BANK1: variants seen among roughly 807,000 people sequenced by gnomAD.
The protein encoded by BANK1 is B-cell scaffold protein with ankyrin repeats.
Under a neutral mutation model 94.5 loss-of-function variants are expected in BANK1, and 95 were observed. That is an observed-to-expected ratio of 1.00 (90% CI 0.85 to 1.19). The LOEUF (loss-of-function observed/expected upper bound fraction) is 1.19. Ranked by LOEUF, BANK1 falls within the 50% of genes most tolerant of loss-of-function variation. The pLI is 0.00. For synonymous variants in BANK1, 334 were observed against 308.4 expected, an observed-to-expected ratio of 1.08 and a Z score of -0.87; for missense variants, 987 against 932.2, an observed-to-expected ratio of 1.06 and a Z score of -0.77.
At position 102,002,544 on chromosome 4, in the gene BANK1, T is replaced by TACACACAC. The variant is rs10559889; in HGVS notation, c.1207-18932_1207-18925dup. Among the ~76,000 whole-genome samples, 13 of 148,138 alleles carry TACACACAC rather than the reference T, an allele frequency of 8.8e-5. No individual in the cohort carries two copies. In the East Asian group the frequency reaches 1.8e-3, roughly 20 times the overall value. ...TGATGGTAGACAATATTAATACAAATACACACACACACACACACACACACA... is the reference window on the plus strand; with the variant it reads ...TGATGGTAGACAATATTAATACAAATACACACACACACACACACACACACACACACACA... On this transcript the variant is annotated intron_variant, in intron 7 of 16. Coordinates refer to ENST00000322953, the MANE Select transcript of BANK1 (RefSeq NM_017935.5).
At chr4:101,832,757 C>T (rs1045558652) in intron 2 of BANK1, among the ~76,000 whole-genome samples, 2 of 152,136 alleles carry the variant, frequency 1.3e-5, no homozygotes, top group South Asian at 2.1e-4. Flanking sequence ...TAAAAATTCA[C>T]GGTGAAATGT....
intron 9 of BANK1, among the ~76,000 whole-genome samples, chr4:102,025,784 C>A (rs2148948593): frequency 6.7e-6 from 1 of 149,764 alleles, no homozygotes; most frequent in South Asian, 2.1e-4. Flanking sequence ...CACTTTTTCT[C>A]TGTTTCTCTC....
intron 10 of BANK1, among the ~76,000 whole-genome samples, chr4:102,039,467 T>G (rs920562733): frequency 6.6e-6 from 1 of 152,108 alleles, no homozygotes; most frequent in African/African-American, 2.4e-5. Flanking sequence ...ATTTACACTG[T>G]GGTTGCTTGT....
At chr4:101,983,242 C>G (rs1264936171) in intron 7 of BANK1, among the ~76,000 whole-genome samples, 1 of 152,044 alleles carries the variant, frequency 6.6e-6, no homozygotes, top group Non-Finnish European at 1.5e-5. Flanking sequence ...GACTTACTCT[C>G]AAATACAGCA....
At chr4:102,055,796 C>T (rs1728207224) in intron 11 of BANK1, among the ~76,000 whole-genome samples, 1 of 152,088 alleles carries the variant, frequency 6.6e-6, no homozygotes, top group African/African-American at 2.4e-5. Flanking sequence ...ATTAAATCCT[C>T]TCAACTCTTT....
chr4:101,815,180 A>G (rs922118204), intron 1 of BANK1, among the ~76,000 whole-genome samples: 4 of 152,194 alleles, frequency 2.6e-5, no homozygotes, highest in African/African-American at 9.6e-5. Flanking sequence ...ACCCAGCCAC[A>G]GGAGACCCCG....
chr4:102,029,980 A>G lies in BANK1; in HGVS notation c.1615A>G (p.Met539Val). ...TLPGTMVEGQ[M>V]ERSQNWGHPG... ...AACAGGGACAATGGTGGAAGGCCAA[A>G]TGGAAAGAAGTCAAAACTGGGGTCA... is the stretch of plus-strand genomic sequence containing the variant. Residue 539 changes from methionine (M) to valine (V), a missense_variant, in exon 10 of 17, where the codon ATG becomes GTG. Transcript: ENST00000322953. 6.2e-7 allele frequency: 1 copy of G among 1,607,280 alleles called. No individual in the cohort carries two copies. The highest frequency in any genetic ancestry group is 2.2e-5 in the East Asian group (1 of 44,846).
At position 102,060,385 on chromosome 4, in the gene BANK1, A is replaced by G. The variant is rs1046024417; in HGVS notation, c.2144A>G (p.Gln715Arg). 6.2e-7 allele frequency: 1 copy of G among 1,606,446 alleles called. No homozygotes were observed. Among genetic ancestry groups the G allele is most frequent in the African/African-American group, 1.3e-5 (1 of 74,354 alleles). ...GGAAAAAGTGGCCTGGAAATGATTC[A>G]GCAGGTAATATTGGCCCAGTGTTTT... ...QMGKSGLEMI[Q>R]QEKLRQLRDC... Residue 715 changes from glutamine to arginine, a missense_variant, in exon 12 of 17, where the codon CAG becomes CGG. Gln to Arg is a conservative substitution (Grantham distance 43). Coordinates refer to ENST00000322953, the MANE Select transcript of BANK1 (RefSeq NM_017935.5).
intron 1 of BANK1, among the ~76,000 whole-genome samples, chr4:101,806,015 G>T (rs961422793): frequency 6.6e-6 from 1 of 151,982 alleles, no homozygotes; most frequent in Non-Finnish European, 1.5e-5. Context: ...GAAAAAGTGT[G>T]ATTAGGGTCT....
intron 7 of BANK1, among the ~76,000 whole-genome samples, chr4:101,956,374 G>A (rs1453373000): frequency 6.6e-6 from 1 of 152,044 alleles, no homozygotes; most frequent in African/African-American, 2.4e-5. Context: ...CACTATGCAG[G>A]CAATTGTAAT....
intron 7 of BANK1, among the ~76,000 whole-genome samples, chr4:101,976,698 T>C (rs1725144831): frequency 6.6e-6 from 1 of 152,172 alleles, no homozygotes; most frequent in Non-Finnish European, 1.5e-5. Flanking sequence ...TATCATAAAA[T>C]TTATCTGAGT....
chr4:101,798,166 A>T (rs554253736), intron 1 of BANK1, among the ~76,000 whole-genome samples: 15 of 152,310 alleles, frequency 9.8e-5, no homozygotes, highest in African/African-American at 3.6e-4. Flanking sequence ...AGATGACCTT[A>T]GAGAAGTAAG....
intron 2 of BANK1, among the ~76,000 whole-genome samples, chr4:101,836,459 G>A (rs551092570): frequency 3.3e-5 from 5 of 152,288 alleles, no homozygotes; most frequent in East Asian, 3.9e-4. Flanking sequence ...CAACCTGGGC[G>A]ACAGAGCGAG....
chr4:102,048,758 A>T (rs1464406217), intron 11 of BANK1, among the ~76,000 whole-genome samples: 1 of 152,190 alleles, frequency 6.6e-6, no homozygotes, highest in Admixed American at 6.5e-5. Context: ...AAGTGCACTA[A>T]GTTTAAGACT....
At chr4:101,980,419 C>T (rs1160608694) in intron 7 of BANK1, among the ~76,000 whole-genome samples, 1 of 151,452 alleles carries the variant, frequency 6.6e-6, no homozygotes, top group African/African-American at 2.4e-5. Flanking sequence ...TAATAAAATG[C>T]CATATATATT....
intron 5 of BANK1, among the ~76,000 whole-genome samples, chr4:101,889,394 C>T (rs1390435056): frequency 6.6e-6 from 1 of 151,584 alleles, no homozygotes; most frequent in African/African-American, 2.4e-5. Context: ...GTCAGGAGAT[C>T]GAGACCATCC....
intron 15 of BANK1, 86 bp from the exon 16 acceptor site, chr4:102,073,598 A>G (rs773529513): frequency 2.7e-5 from 33 of 1,222,824 alleles, no homozygotes; most frequent in Admixed American, 4.1e-5. Context: ...GTGAAAGGCA[A>G]CTATAACTTT....
intron 5 of BANK1, among the ~76,000 whole-genome samples, chr4:101,889,318 G>C (rs1287986220): frequency 6.6e-6 from 1 of 151,774 alleles, no homozygotes; most frequent in Non-Finnish European, 1.5e-5. Context: ...TGTAAGTCTT[G>C]CTAGAAGTTT....
intron 7 of BANK1, among the ~76,000 whole-genome samples, chr4:102,014,474 A>G (rs1044949422): frequency 1.3e-5 from 2 of 152,136 alleles, no homozygotes. Context: ...TATCTCTTAG[A>G]TTCTACTCAT....
Sources: allele counts gnomAD v4.1 joint callset (sites outside exome capture counted in the v4.1 genomes callset), GRCh38; gene constraint gnomAD v4.1.1; transcripts MANE v1.5; gene names NCBI Gene and HGNC (gene_info 2026-07-23, HGNC 2026-07-21).